Variants in FBXW12 observed in about 807,000 individuals in gnomAD.
FBXW12 encodes the protein F-box and WD repeat domain containing 12, also known as F-box/WD repeat-containing protein 12.
A neutral mutation model predicts 55.3 loss-of-function variants in FBXW12; 43 were observed. The ratio of observed to expected loss-of-function variants is 0.78; its 90% CI spans 0.61 to 1.00. FBXW12 has a LOEUF of 1.00. FBXW12 is among the 50% of genes least tolerant of loss of function. The probability of loss-of-function intolerance (pLI) is 0.00; values close to 1 mark genes in which losing one functional copy is unlikely to be tolerated. For missense variants in FBXW12, 524 were observed against 560.5 expected (o/e 0.93, Z 0.66); for synonymous variants, 184 against 203.8 (o/e 0.90, Z 0.83).
intron 5 of FBXW12, among the ~76,000 whole-genome samples, chr3:48,377,456 C>A (rs1331934261): frequency 6.6e-6 from 1 of 152,154 alleles, no homozygotes; most frequent in Non-Finnish European, 1.5e-5. Context: ...TAGCCAACAC[C>A]AACTTACACA....
intron 10 of FBXW12, among the ~76,000 whole-genome samples, chr3:48,383,097 G>A (rs981557931): frequency 6.6e-6 from 1 of 152,198 alleles, no homozygotes; most frequent in Non-Finnish European, 1.5e-5. Flanking sequence ...ATAGGAAAAT[G>A]TCTATGTTCA....
intron 10 of FBXW12, among the ~76,000 whole-genome samples, chr3:48,392,923 C>A (rs9809843): frequency 6.6e-6 from 1 of 151,048 alleles, no homozygotes; most frequent in Admixed American, 6.6e-5. Flanking sequence ...TATAGGTCTA[C>A]GAATTTGGGG....
intron 5 of FBXW12, among the ~76,000 whole-genome samples, chr3:48,375,831 C>A (rs760348865): frequency 6.6e-6 from 1 of 151,902 alleles, no homozygotes; most frequent in Non-Finnish European, 1.5e-5. Flanking sequence ...CCCGCCACCA[C>A]GCCTGGCTAA....
At chr3:48,391,015 T>C (rs1328590565) in intron 10 of FBXW12, among the ~76,000 whole-genome samples, 1 of 150,250 alleles carries the variant, frequency 6.7e-6, no homozygotes, top group Non-Finnish European at 1.5e-5. Flanking sequence ...CATGCCTGTA[T>C]TCCCAGCACT....
chr3:48,375,595 G>A lies in FBXW12; in HGVS notation c.405+123G>A, dbSNP rs1350421836. On this transcript the variant is annotated intron_variant, in intron 5 of 10. Coordinates refer to ENST00000296438, the MANE Select transcript of FBXW12 (RefSeq NM_207102.2). ...GTAACAAAAACAAAGTGTCAAATCAGGTTTTCTATCATGTAATTTGTGACC... is the reference window on the plus strand; with the variant it reads ...GTAACAAAAACAAAGTGTCAAATCAAGTTTTCTATCATGTAATTTGTGACC... 1.6e-5 allele frequency: 10 copies of A among 632,264 alleles called. No individual in the cohort carries two copies. In the East Asian group the frequency reaches 2.9e-4, roughly 18 times the overall value. 39.2% of individuals were successfully genotyped at this position (632,264 alleles called of 1,614,324 possible).
chr3:48,381,277 C>T (rs1184398419), intron 8 of FBXW12, among the ~76,000 whole-genome samples: 1 of 152,144 alleles, frequency 6.6e-6, no homozygotes, highest in Non-Finnish European at 1.5e-5. Flanking sequence ...CTGCCTCGGC[C>T]TCCCAAAGTG....
Position 48,372,667 on chromosome 3 carries a change from G to A in FBXW12, c.-84-17G>A. ...TTCTACCGCACACAGATGGGCATGG[G>A]TGAAAATCTTTACAAGTGCTGCAGA... On this transcript the variant is annotated splice_polypyrimidine_tract_variant and intron_variant, in intron 1 of 10. Transcript: ENST00000296438. 1.2e-6 allele frequency: 2 copies of A among 1,604,686 alleles called. No homozygotes were observed. The highest frequency in any genetic ancestry group is 1.7e-6 in the Non-Finnish European group (2 of 1,173,786).
At chr3:48,373,014 G>A (rs1323713074) in intron 2 of FBXW12, among the ~76,000 whole-genome samples, 157 bp downstream of exon 2, 1 of 152,188 alleles carries the variant, frequency 6.6e-6, no homozygotes, top group African/African-American at 2.4e-5. Context: ...AAAAGGACAA[G>A]CTGATATCCA....
In FBXW12 at chr3:48,381,730, C is replaced by T. The variant is rs969775349; in HGVS notation, c.1016C>T (p.Ala339Val). ...AYEIASFQVAAHLKCPIWMGA... is the reference protein window; with the variant it reads ...AYEIASFQVAVHLKCPIWMGA... ...GAGATCGCAAGTTTCCAGGTGGCAG[C>T]TCATCTGAAGTGCCCTATCTGGATG... is the stretch of plus-strand genomic sequence containing the variant. The change falls in exon 9 of 11, where the codon GCT becomes GTT. Residue 339 changes from alanine to valine, a missense_variant. By Grantham distance (64) the Ala-to-Val change is moderately conservative. Transcript: ENST00000296438. The T allele has an allele frequency of 6.3e-7, 1 of 1,591,398 alleles. No homozygotes were observed. Among genetic ancestry groups the T allele is most frequent in the African/African-American group, 1.4e-5 (1 of 73,970 alleles).
At chr3:48,376,712 A>C (rs2036691023) in intron 5 of FBXW12, among the ~76,000 whole-genome samples, 1 of 152,196 alleles carries the variant, frequency 6.6e-6, no homozygotes, top group Non-Finnish European at 1.5e-5. Flanking sequence ...TTAGCTAAAA[A>C]ATTGGGCCAC....
chr3:48,378,755 C>T (rs1407066383), intron 6 of FBXW12, among the ~76,000 whole-genome samples: 1 of 151,884 alleles, frequency 6.6e-6, no homozygotes, highest in Non-Finnish European at 1.5e-5. Flanking sequence ...GCTGAGACTA[C>T]AGGCACACAC....
In FBXW12 at chr3:48,380,739, G is replaced by A; in HGVS notation, c.812G>A (p.Gly271Asp). Residue 271 changes from glycine (G) to aspartate (D), a missense_variant, in exon 8 of 11, where the codon GGC (glycine) becomes GAC (aspartate). By Grantham distance (94) the Gly-to-Asp change is moderately conservative. Coordinates refer to ENST00000296438, the MANE Select transcript of FBXW12 (RefSeq NM_207102.2). ...LTESLLRPSE[G>D]SVPLSTFLPH... ...GAGTCCTTACTGAGACCATCAGAAG[G>A]CAGTGTTCCTCTGTCTACCTTTCTC... The A allele has an allele frequency of 6.2e-7, 1 of 1,614,034 alleles. No homozygotes were observed. The highest frequency in any genetic ancestry group is 8.5e-7 in the Non-Finnish European group (1 of 1,179,906).
In FBXW12 at chr3:48,380,762, C is replaced by G; in HGVS notation, c.835C>G (p.Leu279Val). Residue 279 changes from leucine to valine, a missense_variant, in exon 8 of 11, where the codon CTC (leucine) becomes GTC (valine). Leu to Val is a conservative substitution (Grantham distance 32, BLOSUM62 1). Transcript: ENST00000296438. ...SEGSVPLSTF[L>V]PHKLCASACW... ...AGGCAGTGTTCCTCTGTCTACCTTTCTCCCACATAAATTATGTGCCAGCGC... is the reference window on the plus strand; with the variant it reads ...AGGCAGTGTTCCTCTGTCTACCTTTGTCCCACATAAATTATGTGCCAGCGC... 2 of 1,614,156 alleles carry G rather than the reference C, an allele frequency of 1.2e-6. No homozygotes were observed. The highest frequency in any genetic ancestry group is 1.7e-6 in the Non-Finnish European group (2 of 1,179,990).
Position 48,380,693 on chromosome 3 carries a change from T to G in FBXW12, c.775-9T>G. Reference sequence around the variant, plus strand: ...CTGCCCCTGACCATGCATGCGATGCTCTCTTTAGGTATTCCTCACAGAGTC... The same window carrying G: ...CTGCCCCTGACCATGCATGCGATGCGCTCTTTAGGTATTCCTCACAGAGTC... On this transcript the variant is annotated splice_polypyrimidine_tract_variant and intron_variant, in intron 7 of 10. Coordinates refer to ENST00000296438, the MANE Select transcript of FBXW12 (RefSeq NM_207102.2). 1 of 1,607,378 alleles carries G rather than the reference T, an allele frequency of 6.2e-7. No homozygotes were observed. Among genetic ancestry groups the G allele is most frequent in the Non-Finnish European group, 8.5e-7 (1 of 1,173,842 alleles).
At chr3:48,385,368 G>GTGTA (rs746944537) in intron 10 of FBXW12, among the ~76,000 whole-genome samples, 1 of 147,794 alleles carries the variant, frequency 6.8e-6, no homozygotes, top group Non-Finnish European at 1.5e-5. Flanking sequence ...GTGTGTGTGT[G>GTGTA]TGTATGTATC....
Position 48,372,765 on chromosome 3 carries a change from G to T in FBXW12, c.-3G>T. The T allele has an allele frequency of 6.2e-7, 1 of 1,614,228 alleles. No individual in the cohort carries two copies. Among genetic ancestry groups the T allele is most frequent in the Non-Finnish European group, 8.5e-7 (1 of 1,180,036 alleles). On this transcript the variant is annotated 5_prime_UTR_variant, in exon 2 of 11. The change abolishes an upstream ATG in the 5' untranslated region. Transcript: ENST00000296438. ...AAGTGGATGTGGGTTCAGGCCGCAT[G>T]AAATGGAGATCCGATTGCCTGACTT... is the stretch of plus-strand genomic sequence containing the variant.
chr3:48,382,460 G>GTT (rs539563269), intron 10 of FBXW12, among the ~76,000 whole-genome samples: 148 of 148,982 alleles, frequency 9.9e-4, no homozygotes, highest in East Asian at 2.2e-3. Flanking sequence ...GAAAACAGGG[G>GTT]TTTTTTTTTT....
At chr3:48,392,209 T>C (rs569469434) in intron 10 of FBXW12, among the ~76,000 whole-genome samples, 8 of 152,210 alleles carry the variant, frequency 5.3e-5, no homozygotes, top group Admixed American at 4.6e-4. Flanking sequence ...TCCCAGCACT[T>C]TGGGAGGCCA....
chr3:48,372,500 C>T (rs1293346465), intron 1 of FBXW12, among the ~76,000 whole-genome samples, 180 bp downstream of exon 1: 1 of 152,218 alleles, frequency 6.6e-6, no homozygotes, highest in Non-Finnish European at 1.5e-5. Flanking sequence ...TCACAGCGCA[C>T]AGGTGTTGCT....
Sources: gnomAD v4.1 joint callset for allele counts (sites outside exome capture counted in the v4.1 genomes callset) on GRCh38, gnomAD v4.1.1 for gene constraint, MANE v1.5 for transcripts, NCBI Gene and HGNC (gene_info 2026-07-23, HGNC 2026-07-21) for gene names.